Variants in DCDC2C observed in about 807,000 individuals in gnomAD.
The protein encoded by DCDC2C is doublecortin domain-containing protein 2C.
A neutral mutation model predicts 45.0 loss-of-function variants in DCDC2C; 44 were observed. The observed-to-expected ratio is 0.98, with a 90% CI of 0.77 to 1.26. The LOEUF is 1.26. DCDC2C is among the 50% of genes most tolerant of loss of function. DCDC2C has a pLI of 0.00. For synonymous variants in DCDC2C, 187 were observed against 178.8 expected (o/e 1.05, Z -0.37); for missense variants, 447 against 468.9 (o/e 0.95, Z 0.43).
chr2:3,719,810 C>T (rs1572556307), intron 2 of DCDC2C, among the ~76,000 whole-genome samples: 1 of 152,218 alleles, frequency 6.6e-6, no homozygotes, highest in Non-Finnish European at 1.5e-5. Context: ...GTAGTGGATG[C>T]TGTGGCATTT....
intron 6 of DCDC2C, among the ~76,000 whole-genome samples, chr2:3,766,929 G>A (rs1670028393): frequency 6.6e-6 from 1 of 152,214 alleles, no homozygotes; most frequent in African/African-American, 2.4e-5. Context: ...CGCGTTCAGT[G>A]GAAAGCCGTA....
At chr2:3,812,846 C>T (rs1030171698) in intron 10 of DCDC2C, among the ~76,000 whole-genome samples, 5 of 152,026 alleles carry the variant, frequency 3.3e-5, no homozygotes, top group African/African-American at 1.2e-4. Flanking sequence ...GCCCAGGAGT[C>T]ATTCAGGAGC....
At chr2:3,840,161 T>A (rs763233563) in intron 10 of DCDC2C, among the ~76,000 whole-genome samples, 1 of 152,254 alleles carries the variant, frequency 6.6e-6, no homozygotes, top group Non-Finnish European at 1.5e-5. Flanking sequence ...CATTTTAGAC[T>A]GAGTATTCTA....
At chr2:3,783,048 T>C (rs1670558771) in intron 9 of DCDC2C, among the ~76,000 whole-genome samples, 1 of 152,168 alleles carries the variant, frequency 6.6e-6, no homozygotes, top group South Asian at 2.1e-4. Flanking sequence ...TGTAGCCAGC[T>C]CTGGAGGGAT....
At chr2:3,840,280 C>T (rs1672181270) in intron 10 of DCDC2C, among the ~76,000 whole-genome samples, 2 of 152,340 alleles carry the variant, frequency 1.3e-5, no homozygotes, top group South Asian at 4.1e-4. Context: ...CTGCATTTTA[C>T]TGGTCACCTG....
chr2:3,830,457 T>G (rs1671922672), intron 10 of DCDC2C, among the ~76,000 whole-genome samples: 1 of 152,244 alleles, frequency 6.6e-6, no homozygotes, highest in African/African-American at 2.4e-5. Context: ...CGAGGGGCTG[T>G]ATCCACTCAG....
chr2:3,807,066 T>G (rs1467055662), intron 10 of DCDC2C, among the ~76,000 whole-genome samples: 1 of 140,044 alleles, frequency 7.1e-6, no homozygotes, highest in Non-Finnish European at 1.5e-5. Context: ...TTGGGACTTT[T>G]TTTTCTTCAG....
intron 9 of DCDC2C, among the ~76,000 whole-genome samples, chr2:3,782,886 G>A (rs1376194820): frequency 6.6e-6 from 1 of 152,234 alleles, no homozygotes; most frequent in Non-Finnish European, 1.5e-5. Context: ...GTAAAGCAAT[G>A]CGTAATGGTT....
intron 3 of DCDC2C, among the ~76,000 whole-genome samples, chr2:3,735,375 T>C (rs895134589): frequency 3.9e-5 from 6 of 152,112 alleles, no homozygotes; most frequent in African/African-American, 1.4e-4. Flanking sequence ...TAACTCATCA[T>C]TTAGCATTAG....
intron 10 of DCDC2C, among the ~76,000 whole-genome samples, chr2:3,817,609 A>G (rs1045712935): frequency 2.0e-5 from 3 of 152,252 alleles, no homozygotes; most frequent in Non-Finnish European, 2.9e-5. Context: ...TGCCACATGC[A>G]GACATGAGGG....
At chr2:3,718,895 T>C (rs1262466172) in intron 2 of DCDC2C, among the ~76,000 whole-genome samples, 2 of 152,206 alleles carry the variant, frequency 1.3e-5, no homozygotes, top group African/African-American at 4.8e-5. Context: ...ACAAGCCTCT[T>C]GCTAGCTACA....
chr2:3,715,697 A>T (rs1037084212), intron 2 of DCDC2C, among the ~76,000 whole-genome samples: 21 of 152,302 alleles, frequency 1.4e-4, no homozygotes, highest in African/African-American at 5.1e-4. Context: ...ACCAAATAAT[A>T]TGTGTATGTG....
chr2:3,780,678 A>G (rs1350109055), intron 9 of DCDC2C, among the ~76,000 whole-genome samples: 1 of 152,216 alleles, frequency 6.6e-6, no homozygotes, highest in Non-Finnish European at 1.5e-5. Context: ...CCCGAGCTTC[A>G]CCGTGCACCA....
chr2:3,795,787 G>C (rs1278173125), intron 10 of DCDC2C, among the ~76,000 whole-genome samples: 1 of 134,520 alleles, frequency 7.4e-6, no homozygotes, highest in African/African-American at 2.9e-5. Flanking sequence ...AGTATAGTTT[G>C]AAGTCAGGTA....
chr2:3,703,615 T>TCCCGCC lies in DCDC2C; in HGVS notation c.-133_-132insCCCCCG. The stretch of plus-strand genomic sequence containing the variant: ...CCGTCCAGCCCCCGTCCCGTCCCCG[T>TCCCGCC]CCCGTCCCCGTCCTGCGCCAGCGGC... On this transcript the variant is annotated 5_prime_UTR_variant, in exon 1 of 11. Coordinates refer to ENST00000399143, the MANE Select transcript of DCDC2C (RefSeq NM_001287444.2). This position sits in a 1 kb window ranked among gnomAD's most constrained non-coding sequence, Gnocchi z 4.4. 3 of 857,582 alleles carry TCCCGCC rather than the reference T, an allele frequency of 3.5e-6. No homozygotes were observed. Among genetic ancestry groups the TCCCGCC allele is most frequent in the South Asian group, 5.9e-5 (1 of 17,070 alleles). The allele number at this position is 857,582 out of a possible 1,614,324, so 53.1% of individuals were successfully genotyped here.
intron 10 of DCDC2C, among the ~76,000 whole-genome samples, chr2:3,843,274 A>G (rs1672257310): frequency 1.3e-5 from 2 of 152,156 alleles, no homozygotes; most frequent in Admixed American, 1.3e-4. Context: ...TGGGCCACAA[A>G]GTGGATATGG....
chr2:3,730,266 CATA>C (rs1311450023), intron 3 of DCDC2C, among the ~76,000 whole-genome samples: 5 of 152,010 alleles, frequency 3.3e-5, no homozygotes, highest in Non-Finnish European at 5.9e-5. Flanking sequence ...TCCTGGGCAA[CATA>C]ATGAGACCCC....
chr2:3,713,081 G>A (rs1225998775), intron 2 of DCDC2C, among the ~76,000 whole-genome samples: 1 of 152,144 alleles, frequency 6.6e-6, no homozygotes. Flanking sequence ...GTAGAGCTTG[G>A]ACTAAAATCA....
At chr2:3,786,411 C>T (rs112249395) in intron 10 of DCDC2C, among the ~76,000 whole-genome samples, 2 of 89,814 alleles carry the variant, frequency 2.2e-5, no homozygotes. Context: ...ACGGAGCCTC[C>T]GGTGCGGGTG....
Sources: gnomAD v4.1 joint callset for allele counts (sites outside exome capture counted in the v4.1 genomes callset) on GRCh38, gnomAD v4.1.1 for gene constraint, Gnocchi (gnomAD v3.1) non-coding constraint, MANE v1.5 for transcripts, NCBI Gene and HGNC (gene_info 2026-07-23, HGNC 2026-07-21) for gene names.